CDH3: variants seen among roughly 807,000 people sequenced by gnomAD.
CDH3 encodes the protein cadherin 3, also known as cadherin-3.
CDH3 carries 54 observed loss-of-function variants against 82.0 expected under a neutral mutation model. The ratio of observed to expected loss-of-function variants is 0.66; its 90% CI spans 0.53 to 0.83. The LOEUF (loss-of-function observed/expected upper bound fraction) is 0.83, where lower values mean the gene tolerates loss of function less well. CDH3 is among the 40% of genes least tolerant of loss of function. CDH3 has a pLI of 0.00. For missense variants in CDH3, 1,054 were observed against 1,084.6 expected, an observed-to-expected ratio of 0.97 and a Z score of 0.40; for synonymous variants, 446 against 437.9, an observed-to-expected ratio of 1.02 and a Z score of -0.23.
In CDH3 at chr16:68,691,902, C is replaced by T; in HGVS notation, c.1978C>T (p.Leu660=). 6.2e-7 allele frequency: 1 copy of T among 1,613,598 alleles called. No individual in the cohort carries two copies. Among genetic ancestry groups the T allele is most frequent in the Admixed American group, 1.7e-5 (1 of 60,014 alleles). The change falls in exon 13 of 16, where the codon CTG becomes TTG. Residue 660 remains leucine, a synonymous_variant. Transcript: ENST00000264012. The part of the protein sequence containing the change: ...PWKGGFILPV[L]GAVLALLFLL... The stretch of plus-strand genomic sequence containing the variant: ...GAAGGGAGGTTTCATCCTCCCTGTG[C>T]TGGGGGCTGTCCTGGCTCTGCTGTG...
chr16:68,690,368 C>A (rs1417257439), intron 12 of CDH3, among the ~76,000 whole-genome samples: 1 of 152,142 alleles, frequency 6.6e-6, no homozygotes, highest in Non-Finnish European at 1.5e-5. Flanking sequence ...GCCTGTAATC[C>A]CAGCACTTTG....
chr16:68,714,322 A>C (rs1331854171), intron 1 of CDH3, among the ~76,000 whole-genome samples: 12 of 152,134 alleles, frequency 7.9e-5, no homozygotes, highest in Admixed American at 7.2e-4. Context: ...AGGACCTGAG[A>C]CCCAGGCAGG....
chr16:68,733,144 A>G, the CDH3 span, among the ~76,000 whole-genome samples: 2 of 152,186 alleles, frequency 1.3e-5, no homozygotes, highest in Non-Finnish European at 2.9e-5. Flanking sequence ...GGTGGAGATA[A>G]AATGACTTAT....
At chr16:68,655,881 T>A (rs1408088197) in intron 2 of CDH3, among the ~76,000 whole-genome samples, 1 of 151,624 alleles carries the variant, frequency 6.6e-6, no homozygotes, top group Non-Finnish European at 1.5e-5. Flanking sequence ...AAAAAGAGAT[T>A]GAGGGGGAGG....
intron 2 of CDH3, among the ~76,000 whole-genome samples, chr16:68,647,169 A>C (rs924027779): frequency 1.3e-5 from 2 of 152,136 alleles, no homozygotes; most frequent in Non-Finnish European, 1.5e-5. Flanking sequence ...AACCTGTAAA[A>C]ATGTGAATTC....
chr16:68,690,273 T>C (rs1208470823), intron 12 of CDH3, among the ~76,000 whole-genome samples: 1 of 152,232 alleles, frequency 6.6e-6, no homozygotes, highest in African/African-American at 2.4e-5. Flanking sequence ...TCTGATCGGA[T>C]CTGCTCAACA....
At chr16:68,686,302 G>A in intron 11 of CDH3, 3 of 754,568 alleles carry the variant, frequency 4.0e-6, no homozygotes, top group Non-Finnish European at 6.9e-6. Flanking sequence ...CTTTTCACGT[G>A]TCGCCAGGGT....
chr16:68,690,873 C>G (rs540128134), intron 12 of CDH3, among the ~76,000 whole-genome samples: 1 of 152,196 alleles, frequency 6.6e-6, no homozygotes, highest in Non-Finnish European at 1.5e-5. Context: ...CGCCACTGCT[C>G]TCTAGTCTGG....
chr16:68,649,013 T>TC (rs749577617), intron 2 of CDH3, among the ~76,000 whole-genome samples: 1 of 151,822 alleles, frequency 6.6e-6, no homozygotes, highest in Non-Finnish European at 1.5e-5. Context: ...GCCGGCACAT[T>TC]CCCCCATCCC....
intron 2 of CDH3, among the ~76,000 whole-genome samples, chr16:68,646,962 G>A (rs971314813): frequency 2.0e-5 from 3 of 147,692 alleles, no homozygotes; most frequent in African/African-American, 7.5e-5. Context: ...CCTTGAGTCT[G>A]TGGAGGCCCT....
chr16:68,676,177 G>A (rs1393672425), intron 2 of CDH3, among the ~76,000 whole-genome samples: 8 of 152,146 alleles, frequency 5.3e-5, no homozygotes, highest in Non-Finnish European at 4.4e-5. Context: ...ACCACCAGGC[G>A]ATCTTCCCTC....
chr16:68,687,372 C>T (rs1597813925), intron 11 of CDH3, 140 bp from the exon 12 acceptor site: 1 of 671,634 alleles, frequency 1.5e-6, no homozygotes, highest in East Asian at 2.7e-5. Context: ...GATGGCTCAA[C>T]TGGCATGTAT....
At chr16:68,646,333 G>C (rs1597785813) in intron 2 of CDH3, among the ~76,000 whole-genome samples, 1 of 152,112 alleles carries the variant, frequency 6.6e-6, no homozygotes, top group African/African-American at 2.4e-5. Context: ...GGCACACCTG[G>C]GCTGGGGCCA....
chr16:68,655,202 A>AGT (rs1960381330), intron 2 of CDH3, among the ~76,000 whole-genome samples: 1 of 152,120 alleles, frequency 6.6e-6, no homozygotes, highest in Admixed American at 6.5e-5. Context: ...TATCCTGACC[A>AGT]GTGTGTGGGT....
chr16:68,691,997 A>G, intron 13 of CDH3, 71 bp downstream of exon 13: 1 of 1,250,328 alleles, frequency 8.0e-7, no homozygotes. Context: ...CTTGAGCTTT[A>G]ACTCCTGGAA....
In CDH3 at chr16:68,678,565, G is replaced by A; in HGVS notation, c.455G>A (p.Ser152Asn). 4 of 1,613,552 alleles carry A rather than the reference G, an allele frequency of 2.5e-6. No individual in the cohort carries two copies. Among genetic ancestry groups the A allele is most frequent in the Non-Finnish European group, 3.4e-6 (4 of 1,180,006 alleles). ...AGCATCACGGGGCCGGGGGCAGACA[G>A]CCCCCCTGAGGGTGTCTTCGCTGTA... ...FYSITGPGAD[S>N]PPEGVFAVEK... Residue 152 changes from serine to asparagine, a missense_variant, in exon 5 of 16, where the codon AGC (serine) becomes AAC (asparagine). Transcript: ENST00000264012.
At chr16:68,705,347 T>G (rs1021066880) in intron 1 of CDH3, among the ~76,000 whole-genome samples, 3 of 152,148 alleles carry the variant, frequency 2.0e-5, no homozygotes, top group African/African-American at 4.8e-5. Context: ...TGGGGTCCCC[T>G]TGAGTATGTG....
chr16:68,684,903 G>C (rs1372681222), intron 10 of CDH3, 79 bp downstream of exon 10: 1 of 1,539,794 alleles, frequency 6.5e-7, no homozygotes, highest in Non-Finnish European at 9.0e-7. Context: ...CGTTTGTTCT[G>C]ATTACCATAG....
intron 2 of CDH3, chr16:68,651,544 T>C: frequency 2.0e-6 from 1 of 499,248 alleles, no homozygotes; most frequent in Non-Finnish European, 4.0e-6. Flanking sequence ...TCCACCCCGC[T>C]CTGCAGCCCC....
Sources: allele counts gnomAD v4.1 joint callset (sites outside exome capture counted in the v4.1 genomes callset), GRCh38; gene constraint gnomAD v4.1.1; transcripts MANE v1.5; gene names NCBI Gene and HGNC (gene_info 2026-07-23, HGNC 2026-07-21).